The following MCU variants were observed in gnomAD, a reference collection of about 807,000 sequenced individuals.
MCU encodes the protein mitochondrial calcium uniporter.
A neutral mutation model predicts 45.2 loss-of-function variants in MCU; 12 were observed. The observed-to-expected ratio is 0.27, with a 90% CI of 0.17 to 0.43. The LOEUF is 0.43. Ranked by LOEUF, MCU falls within the 20% of genes least tolerant of loss-of-function variation. MCU has a pLI of 1.00. For missense variants in MCU, 324 were observed against 436.7 expected (o/e 0.74, Z 2.30); for synonymous variants, 160 against 165.1 (o/e 0.97, Z 0.24).
intron 1 of MCU, among the ~76,000 whole-genome samples, chr10:72,808,302 T>G (rs937335054): frequency 3.4e-4 from 52 of 152,196 alleles, no homozygotes; most frequent in Non-Finnish European, 6.3e-4. Context: ...ACGAGTCTAC[T>G]GTAGAAATTT....
intron 5 of MCU, among the ~76,000 whole-genome samples, chr10:72,869,348 G>A (rs1311549264): frequency 1.3e-5 from 2 of 152,262 alleles, no homozygotes; most frequent in African/African-American, 4.8e-5. Flanking sequence ...ACTTTGGGAG[G>A]CCAAGGCAGG....
At chr10:72,706,414 C>G (rs1414921720) in intron 1 of MCU, among the ~76,000 whole-genome samples, 1 of 152,024 alleles carries the variant, frequency 6.6e-6, no homozygotes, top group Non-Finnish European at 1.5e-5. Flanking sequence ...TTTTTATTGA[C>G]TAGGTATCTT....
chr10:72,774,344 T>C (rs1399422974), intron 1 of MCU, among the ~76,000 whole-genome samples: 1 of 152,180 alleles, frequency 6.6e-6, no homozygotes, highest in Non-Finnish European at 1.5e-5. Context: ...CTCTTTAAAA[T>C]AGCTTCTTAT....
At position 72,776,368 on chromosome 10, in the gene MCU, C is replaced by A. The variant is rs145303803; in HGVS notation, c.151-57991C>A. On this transcript the variant is annotated intron_variant, in intron 1 of 7. Transcript: ENST00000373053. ...AACAACACATTAAAAAGATCATTCA[C>A]CATGATCAAGTGAAATTCATTCCAG... Among the ~76,000 whole-genome samples, 905 of 152,238 alleles carry A rather than the reference C, an allele frequency of 5.9e-3. 12 individuals carry two copies. Among genetic ancestry groups the A allele is most frequent in the African/African-American group, 0.021 (854 of 41,560 alleles).
Position 72,829,075 on chromosome 10 carries a change from C to G in MCU, c.151-5284C>G, listed in dbSNP as rs371945676. On this transcript the variant is annotated intron_variant, in intron 1 of 7. Coordinates refer to ENST00000373053, the MANE Select transcript of MCU (RefSeq NM_138357.3). ...TTGGCTAATGCCTGTGATCCCAGCACTTTGGGAGGCCAGGGTGTGCAGATC... is the reference window on the plus strand; with the variant it reads ...TTGGCTAATGCCTGTGATCCCAGCAGTTTGGGAGGCCAGGGTGTGCAGATC... Among the ~76,000 whole-genome samples the G allele has an allele frequency of 7.9e-5, 12 of 152,290 alleles. No individual in the cohort carries two copies. The East Asian group carries it at 1.2e-3, about 15-fold the overall frequency.
At chr10:72,852,914 C>T (rs1385672688) in intron 2 of MCU, among the ~76,000 whole-genome samples, 1 of 152,104 alleles carries the variant, frequency 6.6e-6, no homozygotes, top group Non-Finnish European at 1.5e-5. Flanking sequence ...AGAGAGATAG[C>T]CTTGGACACA....
intron 1 of MCU, chr10:72,721,111 G>C (rs1450244618): frequency 6.5e-6 from 1 of 154,176 alleles, no homozygotes; most frequent in Non-Finnish European, 1.5e-5. Flanking sequence ...TGCTAACAAT[G>C]TATCTCACCT....
At chr10:72,753,797 G>A (rs990837523) in intron 1 of MCU, among the ~76,000 whole-genome samples, 1 of 151,952 alleles carries the variant, frequency 6.6e-6, no homozygotes, top group Admixed American at 6.6e-5. Flanking sequence ...GAGGATTACC[G>A]GAGCCTGGGA....
At chr10:72,794,309 T>C (rs11000416) in intron 1 of MCU, among the ~76,000 whole-genome samples, 3 of 152,212 alleles carry the variant, frequency 2.0e-5, no homozygotes, top group East Asian at 1.9e-4. Context: ...CCCATTCAAA[T>C]AGGGGGAAAA....
chr10:72,817,454 T>G lies in MCU; in HGVS notation c.151-16905T>G, dbSNP rs559346228. Among the ~76,000 whole-genome samples the G allele has an allele frequency of 2.4e-3, 372 of 152,352 alleles. 1 individual carries two copies. Among genetic ancestry groups the G allele is most frequent in the African/African-American group, 8.3e-3 (347 of 41,584 alleles). ...CCTGATATTATTTTGAATAAACATG[T>G]GAATCTGTTCTTTAGACTTTGCTTG... On this transcript the variant is annotated intron_variant, in intron 1 of 7. Coordinates refer to ENST00000373053, the MANE Select transcript of MCU (RefSeq NM_138357.3).
intron 1 of MCU, among the ~76,000 whole-genome samples, chr10:72,805,159 CTG>C (rs1554824913): frequency 1.2e-4 from 16 of 138,022 alleles, no homozygotes; most frequent in African/African-American, 3.1e-4. Context: ...TTCTTTCTTT[CTG>C]TCTCTCTCTC....
intron 1 of MCU, among the ~76,000 whole-genome samples, chr10:72,822,565 A>G (rs1844729522): frequency 6.6e-6 from 1 of 152,250 alleles, no homozygotes; most frequent in East Asian, 1.9e-4. Flanking sequence ...CAGTGAAGAC[A>G]TAAAGGTGGT....
chr10:72,811,143 A>G (rs1844537622), intron 1 of MCU, among the ~76,000 whole-genome samples: 1 of 152,350 alleles, frequency 6.6e-6, no homozygotes, highest in South Asian at 2.1e-4. Context: ...TTTACTGCCA[A>G]TTTCTCAAGG....
At chr10:72,865,759 T>G (rs1301655635) in intron 4 of MCU, among the ~76,000 whole-genome samples, 1 of 149,164 alleles carries the variant, frequency 6.7e-6, no homozygotes, top group African/African-American at 2.5e-5. Context: ...GGCTGTGTGG[T>G]TTTGTTTTTT....
chr10:72,879,220 A>G (rs922541140), intron 6 of MCU, among the ~76,000 whole-genome samples: 5 of 152,168 alleles, frequency 3.3e-5, no homozygotes, highest in Admixed American at 6.5e-5. Context: ...CTGAGATCAC[A>G]CCACTGCACT....
chr10:72,754,493 G>C (rs1169438607), intron 1 of MCU, among the ~76,000 whole-genome samples: 1 of 152,192 alleles, frequency 6.6e-6, no homozygotes, highest in African/African-American at 2.4e-5. Context: ...ACTCACACCT[G>C]TAATCTCAGC....
At chr10:72,863,598 A>G (rs1187309122) in intron 4 of MCU, among the ~76,000 whole-genome samples, 1 of 152,216 alleles carries the variant, frequency 6.6e-6, no homozygotes, top group Non-Finnish European at 1.5e-5. Context: ...CATGAAATAT[A>G]TGTAGATACA....
At chr10:72,836,097 G>T (rs1355669809) in intron 2 of MCU, among the ~76,000 whole-genome samples, 1 of 151,768 alleles carries the variant, frequency 6.6e-6, no homozygotes, top group Non-Finnish European at 1.5e-5. Context: ...CCACTGCAGG[G>T]TGCCATCATT....
chr10:72,748,961 A>G (rs1378844774), intron 1 of MCU, among the ~76,000 whole-genome samples: 1 of 152,208 alleles, frequency 6.6e-6, no homozygotes, highest in Admixed American at 6.5e-5. Flanking sequence ...ACTATCAAAT[A>G]GCTGTAAAAC....
Sources: allele counts gnomAD v4.1 joint callset (sites outside exome capture counted in the v4.1 genomes callset), GRCh38; gene constraint gnomAD v4.1.1; transcripts MANE v1.5; gene names NCBI Gene and HGNC (gene_info 2026-07-23, HGNC 2026-07-21).